CRYBB1: variants seen among roughly 807,000 people sequenced by gnomAD.
The protein encoded by CRYBB1 is crystallin beta B1.
A neutral mutation model predicts 29.5 loss-of-function variants in CRYBB1; 16 were observed. The ratio of observed to expected loss-of-function variants is 0.54; its 90% confidence interval spans 0.37 to 0.82. CRYBB1 has a LOEUF of 0.82. Among genes scored for constraint, CRYBB1 ranks in the 40% least tolerant of loss-of-function variants. The pLI is 0.00. For synonymous variants in CRYBB1, 127 were observed against 136.7 expected, an observed-to-expected ratio of 0.93 and a Z score of 0.49; for missense variants, 300 against 350.5, an observed-to-expected ratio of 0.86 and a Z score of 1.15.
chr22:26,609,153 T>C (rs1404038176), intron 3 of CRYBB1, among the ~76,000 whole-genome samples: 1 of 152,158 alleles, frequency 6.6e-6, no homozygotes, highest in East Asian at 1.9e-4. Flanking sequence ...TAGCATCTTC[T>C]CCCAGGGGGC....
At chr22:26,614,339 C>T (rs1929275448) in intron 2 of CRYBB1, among the ~76,000 whole-genome samples, 1 of 152,148 alleles carries the variant, frequency 6.6e-6, no homozygotes, top group South Asian at 2.1e-4. Context: ...GTGATGTCTC[C>T]CCCGGACGCC....
intron 5 of CRYBB1, among the ~76,000 whole-genome samples, chr22:26,601,487 A>C (rs986091912): frequency 1.3e-5 from 2 of 151,820 alleles, no homozygotes; most frequent in Admixed American, 6.6e-5. Context: ...TTCACTGCTC[A>C]GAACTCATTC....
intron 3 of CRYBB1, among the ~76,000 whole-genome samples, chr22:26,610,266 G>A (rs1472004118): frequency 2.0e-5 from 3 of 152,108 alleles, no homozygotes; most frequent in African/African-American, 7.2e-5. Context: ...GATGGTGTTG[G>A]GTGTCAGGCT....
At chr22:26,617,805 C>T (rs995914731) in intron 1 of CRYBB1, among the ~76,000 whole-genome samples, 172 bp downstream of exon 1, 1 of 151,746 alleles carries the variant, frequency 6.6e-6, no homozygotes, top group Non-Finnish European at 1.5e-5. Flanking sequence ...TCTTTTCTCA[C>T]TCTCTCCCCT....
chr22:26,617,624 C>T (rs1929399024), intron 1 of CRYBB1, among the ~76,000 whole-genome samples: 1 of 152,100 alleles, frequency 6.6e-6, no homozygotes, highest in African/African-American at 2.4e-5. Context: ...CCTCTCTTCC[C>T]TGTCTTTGCC....
chr22:26,608,037 A>G lies in CRYBB1; in HGVS notation c.300-16T>C. The G allele has an allele frequency of 6.2e-7, 1 of 1,614,108 alleles. No homozygotes were observed. Among genetic ancestry groups the G allele is most frequent in the South Asian group, 1.1e-5 (1 of 91,086 alleles). On this transcript the variant is annotated splice_polypyrimidine_tract_variant and intron_variant, in intron 3 of 5. Transcript: ENST00000647684. ...GGCGACCCAGCTGGATACAAGAAGG[A>G]CCATGAGGCAGACAGGAGACATATG...
chr22:26,602,860 A>G (rs561284401), intron 4 of CRYBB1, among the ~76,000 whole-genome samples: 61 of 152,084 alleles, frequency 4.0e-4, no homozygotes, highest in Middle Eastern at 3.4e-3. Context: ...GCGATGGCTC[A>G]CTCCTATAAT....
At chr22:26,615,745 C>G (rs548346078) in intron 2 of CRYBB1, among the ~76,000 whole-genome samples, 6 of 151,766 alleles carry the variant, frequency 4.0e-5, no homozygotes, top group Admixed American at 2.0e-4. Flanking sequence ...AACTCCTGAC[C>G]TCAGGTGATC....
chr22:26,605,747 G>T (rs1928957610), intron 4 of CRYBB1, among the ~76,000 whole-genome samples: 1 of 139,572 alleles, frequency 7.2e-6, no homozygotes, highest in South Asian at 2.2e-4. Context: ...AGATGGTCAG[G>T]TTTATTTTTT....
intron 3 of CRYBB1, among the ~76,000 whole-genome samples, chr22:26,611,471 T>TC (rs1929160316): frequency 1.2e-5 from 1 of 83,398 alleles, no homozygotes; most frequent in East Asian, 3.1e-4. Context: ...TTTTTTTTGT[T>TC]TTTTTTTTTT....
intron 4 of CRYBB1, among the ~76,000 whole-genome samples, chr22:26,602,429 A>AT (rs977349343): frequency 1.0e-4 from 15 of 149,852 alleles, no homozygotes; most frequent in South Asian, 6.4e-4. Flanking sequence ...CAAAAAAATA[A>AT]TTTTTTTTTT....
At position 26,602,028 on chromosome 22, in the gene CRYBB1, A is replaced by T; in HGVS notation, c.433-7T>A. ...TTTTGTGCTCCTGGGCATCCTGGGG[A>T]AAGAGAGGCCGGGTCAGGTGTGTGA... On this transcript the variant is annotated splice_polypyrimidine_tract_variant and splice_region_variant and intron_variant, in intron 4 of 5. Transcript: ENST00000647684. 6.2e-7 allele frequency: 1 copy of T among 1,613,516 alleles called. No homozygotes were observed. Among genetic ancestry groups the T allele is most frequent in the Non-Finnish European group, 8.5e-7 (1 of 1,179,878 alleles).
In CRYBB1 at chr22:26,601,993, A is replaced by C; in HGVS notation, c.461T>G (p.Phe154Cys). The change falls in exon 5 of 6, where the codon TTT (phenylalanine) becomes TGT (cysteine). Residue 154 changes from phenylalanine to cysteine, a missense_variant. Physicochemically the swap from Phe to Cys is radical, Grantham distance 205. Transcript: ENST00000647684. ...GTTGCCCTTGAAGTTGGCCCCTTCA[A>C]ACAGGGAGATTTTGTGCTCCTGGGC... ...MDAQEHKISL[F>C]EGANFKGNTI... 2 of 1,613,820 alleles carry C rather than the reference A, an allele frequency of 1.2e-6. No homozygotes were observed. Among genetic ancestry groups the C allele is most frequent in the South Asian group, 1.1e-5 (1 of 91,070 alleles).
intron 4 of CRYBB1, among the ~76,000 whole-genome samples, chr22:26,605,194 C>CTGCTTT (rs554497594): frequency 2.6e-3 from 395 of 152,350 alleles, no homozygotes; most frequent in Non-Finnish European, 4.4e-3. Flanking sequence ...GTTCCTGCTT[C>CTGCTTT]TGCTTTCCTA....
At chr22:26,600,394 T>G (rs1928785744) in intron 5 of CRYBB1, among the ~76,000 whole-genome samples, 1 of 151,300 alleles carries the variant, frequency 6.6e-6, no homozygotes, top group Non-Finnish European at 1.5e-5. Flanking sequence ...AGAGCGAGAC[T>G]CCATCTCAAA....
chr22:26,614,160 T>C (rs1929268947), intron 2 of CRYBB1, among the ~76,000 whole-genome samples: 1 of 152,212 alleles, frequency 6.6e-6, no homozygotes. Context: ...GGTCCTGTGA[T>C]CCTGTGATCT....
In CRYBB1 at chr22:26,599,576, G is replaced by C; in HGVS notation, c.673C>G (p.Gln225Glu). The change falls in exon 6 of 6, where the codon CAG becomes GAG. Residue 225 changes from glutamine to glutamate, a missense_variant. Gln to Glu is a conservative substitution (Grantham distance 29). Transcript: ENST00000647684. ...HWNEWGAFQP[Q>E]MQSLRRLRDK... Reference sequence around the variant, plus strand: ...CGCAGGCGACGCAGGGACTGCATCTGTGGCTGGAAGGCTCCCCACTCATTC... The same window carrying C: ...CGCAGGCGACGCAGGGACTGCATCTCTGGCTGGAAGGCTCCCCACTCATTC... The C allele has an allele frequency of 6.2e-7, 1 of 1,614,242 alleles. No homozygotes were observed. The highest frequency in any genetic ancestry group is 8.5e-7 in the Non-Finnish European group (1 of 1,180,050).
intron 2 of CRYBB1, among the ~76,000 whole-genome samples, chr22:26,615,191 G>T (rs1929303225): frequency 6.6e-6 from 1 of 152,214 alleles, no homozygotes; most frequent in African/African-American, 2.4e-5. Flanking sequence ...CTACTTCTGT[G>T]ACCTGAGGTT....
intron 4 of CRYBB1, among the ~76,000 whole-genome samples, chr22:26,602,590 C>CA (rs3885494): frequency 0.012 from 1,626 of 132,214 alleles, 24 homozygotes; most frequent in African/African-American, 0.042. Context: ...GACCCTGTCT[C>CA]AAAAAAAAAA....
Sources: gnomAD v4.1 joint callset for allele counts (sites outside exome capture counted in the v4.1 genomes callset) on GRCh38, gnomAD v4.1.1 for gene constraint, MANE v1.5 for transcripts, NCBI Gene and HGNC (gene_info 2026-07-23, HGNC 2026-07-21) for gene names.